CNTRL: variants seen among roughly 807,000 people sequenced by gnomAD.
CNTRL encodes the protein 110 kDa centrosomal protein.
CNTRL carries 233 observed loss-of-function variants against 303.7 expected under a neutral mutation model. The observed-to-expected ratio is 0.77, with a 90% CI of 0.69 to 0.86. The LOEUF is 0.86. Ranked by LOEUF, CNTRL falls within the 40% of genes least tolerant of loss-of-function variation. CNTRL has a pLI of 0.00. For synonymous variants in CNTRL, 900 were observed against 922.2 expected, an observed-to-expected ratio of 0.98 and a Z score of 0.44; for missense variants, 2,524 against 2,650.6, an observed-to-expected ratio of 0.95 and a Z score of 1.05.
intron 7 of CNTRL, among the ~76,000 whole-genome samples, chr9:121,107,170 A>T (rs953887435): frequency 1.3e-5 from 2 of 152,242 alleles, no homozygotes; most frequent in South Asian, 2.1e-4. Flanking sequence ...ATTTTTTTTT[A>T]AAACTTAAGA....
intron 37 of CNTRL, 63 bp downstream of exon 37, chr9:121,167,740 C>T (rs557754791): frequency 7.0e-7 from 1 of 1,434,724 alleles, no homozygotes; most frequent in Non-Finnish European, 9.6e-7. Flanking sequence ...GCCTATTTTT[C>T]CCCTGGCAGA....
At chr9:121,079,293 G>T (rs566977903) in intron 1 of CNTRL, among the ~76,000 whole-genome samples, 3 of 152,138 alleles carry the variant, frequency 2.0e-5, no homozygotes, top group Non-Finnish European at 4.4e-5. Flanking sequence ...TAACTTGGGG[G>T]AGTTTTTCTG....
intron 32 of CNTRL, chr9:121,161,597 C>A: frequency 2.4e-6 from 1 of 422,674 alleles, no homozygotes; most frequent in South Asian, 3.6e-5. Flanking sequence ...GTCCTTACAC[C>A]TCAGCCTGCC....
chr9:121,158,261 CA>C, intron 30 of CNTRL, 152 bp downstream of exon 30: 1 of 897,472 alleles, frequency 1.1e-6, no homozygotes, highest in East Asian at 2.7e-5. Flanking sequence ...CAACTCAATA[CA>C]ATACTTCTGA....
intron 2 of CNTRL, among the ~76,000 whole-genome samples, chr9:121,084,577 C>T: frequency 6.7e-6 from 1 of 149,736 alleles, no homozygotes; most frequent in East Asian, 2.0e-4. Flanking sequence ...TGGAGTCTCG[C>T]TTTGTCACCC....
intron 3 of CNTRL, among the ~76,000 whole-genome samples, chr9:121,089,163 C>A (rs1022591010): frequency 2.0e-5 from 3 of 152,178 alleles, no homozygotes; most frequent in African/African-American, 7.2e-5. Flanking sequence ...ATTAACAACA[C>A]TGAGTTTATA....
At chr9:121,163,388 A>G (rs2052946691) in intron 34 of CNTRL, among the ~76,000 whole-genome samples, 1 of 150,532 alleles carries the variant, frequency 6.6e-6, no homozygotes, top group Non-Finnish European at 1.5e-5. Flanking sequence ...ACATATATGT[A>G]AAACCTAAAT....
chr9:121,141,241 A>T (rs1352589673), intron 17 of CNTRL, 140 bp from the exon 18 acceptor site: 1 of 653,950 alleles, frequency 1.5e-6, no homozygotes, highest in Non-Finnish European at 2.6e-6. Flanking sequence ...TGCGCTTAGG[A>T]GATGGTCAGT....
In CNTRL at chr9:121,157,598, A is replaced by G. The variant is rs779586907; in HGVS notation, c.4494A>G (p.Leu1498=). 3 of 1,613,648 alleles carry G rather than the reference A, an allele frequency of 1.9e-6. No homozygotes were observed. The highest frequency in any genetic ancestry group is 2.2e-5 in the East Asian group (1 of 44,892). ...AVNLVKADQQ[L]RSLQADAKDL... Reference sequence around the variant, plus strand: ...ACCTCGTCAAAGCTGATCAGCAGCTAAGGTAGGTGGATTCCCTAAGCCGTT... The same window carrying G: ...ACCTCGTCAAAGCTGATCAGCAGCTGAGGTAGGTGGATTCCCTAAGCCGTT... The change falls in exon 28 of 44, where the codon CTA becomes CTG. Residue 1498 remains leucine, a splice_region_variant and synonymous_variant. Transcript: ENST00000373855.
chr9:121,084,171 A>G (rs1232168125), intron 2 of CNTRL, among the ~76,000 whole-genome samples: 3 of 152,204 alleles, frequency 2.0e-5, no homozygotes, highest in African/African-American at 7.2e-5. Context: ...ATCATTATTA[A>G]TGTAGCCTTG....
chr9:121,150,645 TCTTATAAAAGCAGTGG>T (rs1262959261), intron 25 of CNTRL, 162 bp downstream of exon 25: 2 of 694,918 alleles, frequency 2.9e-6, no homozygotes, highest in African/African-American at 1.8e-5. Context: ...ATTAAAATTC[TCTTATAAAAGCAGTGG>T]CATGTGCCTA....
intron 8 of CNTRL, among the ~76,000 whole-genome samples, chr9:121,108,496 A>C (rs562878885): frequency 6.6e-6 from 1 of 152,320 alleles, no homozygotes; most frequent in African/African-American, 2.4e-5. Context: ...GCTTATTTAT[A>C]ATGTTATTGA....
At chr9:121,133,804 A>G (rs1302862311) in intron 14 of CNTRL, among the ~76,000 whole-genome samples, 1 of 152,186 alleles carries the variant, frequency 6.6e-6, no homozygotes. Flanking sequence ...AATTTTATAT[A>G]TATTTTTATA....
intron 32 of CNTRL, 63 bp downstream of exon 32, chr9:121,160,365 C>T (rs2052788614): frequency 4.9e-6 from 6 of 1,216,406 alleles, no homozygotes; most frequent in East Asian, 5.7e-5. Flanking sequence ...TTACAAGTCA[C>T]AGAAAAAATA....
At chr9:121,143,609 T>C (rs2051654374) in intron 19 of CNTRL, among the ~76,000 whole-genome samples, 1 of 152,200 alleles carries the variant, frequency 6.6e-6, no homozygotes, top group Admixed American at 6.5e-5. Flanking sequence ...CAGGGCCTGA[T>C]TCAGTGATTT....
Position 121,161,900 on chromosome 9 carries a change from C to CTA in CNTRL, c.5135_5136dup (p.Gln1713TyrfsTer4). 1 of 1,614,084 alleles carries CTA rather than the reference C, an allele frequency of 6.2e-7. No individual in the cohort carries two copies. Among genetic ancestry groups the CTA allele is most frequent in the Non-Finnish European group, 8.5e-7 (1 of 1,179,994 alleles). ...CATGTTGCAACTTGAAAACCATGAG[C>CTA]TACAAGGTTTGAAGCTACAACATGA... On this transcript the variant is annotated frameshift_variant, in exon 33 of 44. Coordinates refer to ENST00000373855, the MANE Select transcript of CNTRL (RefSeq NM_007018.6). LOFTEE classifies it high-confidence loss of function.
chr9:121,150,114 C>A (rs1340363015), intron 24 of CNTRL, 56 bp from the exon 25 acceptor site: 11 of 1,425,384 alleles, frequency 7.7e-6, no homozygotes, highest in African/African-American at 2.8e-5. Flanking sequence ...ACCTGGTAAA[C>A]CATGGGGGTA....
chr9:121,124,008 T>G lies in CNTRL; in HGVS notation c.1728T>G (p.Ser576Arg), dbSNP rs1466756592. Residue 576 changes from serine (S) to arginine (R), a missense_variant, in exon 13 of 44, where the codon AGT (serine) becomes AGG (arginine). Coordinates refer to ENST00000373855, the MANE Select transcript of CNTRL (RefSeq NM_007018.6). ...IMNKQYQQLE[S>R]RLDEILSRIA... is the part of the protein sequence containing the mutation. ...ACAAGCAGTACCAACAACTTGAAAGTCGTTTGGATGAGATACTTTCTAGAA... is the reference window on the plus strand; with the variant it reads ...ACAAGCAGTACCAACAACTTGAAAGGCGTTTGGATGAGATACTTTCTAGAA... The G allele has an allele frequency of 1.9e-6, 3 of 1,613,078 alleles. No individual in the cohort carries two copies. Among genetic ancestry groups the G allele is most frequent in the South Asian group, 1.1e-5 (1 of 90,922 alleles).
chr9:121,175,258 AGC>A (rs1429822575), intron 43 of CNTRL, 34 bp downstream of exon 43: 18 of 1,588,950 alleles, frequency 1.1e-5, no homozygotes, highest in Non-Finnish European at 1.5e-5. Flanking sequence ...ACAAAACAAT[AGC>A]CTGAGGTTGT....
Sources: allele counts gnomAD v4.1 joint callset (sites outside exome capture counted in the v4.1 genomes callset), GRCh38; gene constraint gnomAD v4.1.1; transcripts MANE v1.5; gene names NCBI Gene and HGNC (gene_info 2026-07-23, HGNC 2026-07-21).